The following DNAH17 variants were observed in gnomAD, a reference collection of about 807,000 sequenced individuals.
DNAH17 encodes dynein axonemal heavy chain 17, also known as axonemal beta dynein heavy chain 17.
A neutral mutation model predicts 485.6 loss-of-function variants in DNAH17; 376 were observed. The observed-to-expected ratio is 0.77, with a 90% CI of 0.71 to 0.84. The LOEUF (loss-of-function observed/expected upper bound fraction) is 0.84. Among genes scored for constraint, DNAH17 ranks in the 40% least tolerant of loss-of-function variants. DNAH17 has a pLI of 0.00. For synonymous variants in DNAH17, 3,031 were observed against 2,405.9 expected, an observed-to-expected ratio of 1.26 and a Z score of -7.60; for missense variants, 6,370 against 5,839.3, an observed-to-expected ratio of 1.09 and a Z score of -2.96.
At position 78,458,640 on chromosome 17, in the gene DNAH17, T is replaced by A; in HGVS notation, c.9902A>T (p.Glu3301Val). ...CTTGATTTTCTCAGCTGTTGCTTTT[T>A]CAAACGCTGAGGTTAGGTTGCTCAG... ...ANLSNLTSAF[E>V]KATAEKIKCQ... Residue 3301 changes from glutamate to valine, a missense_variant, in exon 62 of 81, where the codon GAA (glutamate) becomes GTA (valine). By Grantham distance (121) the Glu-to-Val change is moderately radical (BLOSUM62 -2). Transcript: ENST00000389840. 6.2e-7 allele frequency: 1 copy of A among 1,614,064 alleles called. No individual in the cohort carries two copies. The highest frequency in any genetic ancestry group is 8.5e-7 in the Non-Finnish European group (1 of 1,179,892).
At position 78,454,498 on chromosome 17, in the gene DNAH17, G is replaced by T; in HGVS notation, c.10378C>A (p.Leu3460Met). 1 of 1,613,312 alleles carries T rather than the reference G, an allele frequency of 6.2e-7. No individual in the cohort carries two copies. The highest frequency in any genetic ancestry group is 8.5e-7 in the Non-Finnish European group (1 of 1,179,802). ...TTCTGTCCCAGGCGGATGGCTTTCA[G>T]TTCACTCCTGTATTTGTTTTTGATC... ...KWIKNKYRSE[L>M]KAIRLGQKSY... Residue 3460 changes from leucine (L) to methionine (M), a missense_variant, in exon 64 of 81, where the codon CTG becomes ATG. Leu to Met is a conservative substitution (Grantham distance 15). Transcript: ENST00000389840.
intron 30 of DNAH17, among the ~76,000 whole-genome samples, chr17:78,505,992 T>A (rs1224843118): frequency 2.0e-5 from 3 of 151,954 alleles, no homozygotes; most frequent in Non-Finnish European, 4.4e-5. Context: ...ATAAAAAAAA[T>A]TAATAAATAA....
intron 17 of DNAH17, 142 bp from the exon 18 acceptor site, chr17:78,540,022 GGCC>G: frequency 1.3e-6 from 1 of 775,518 alleles, no homozygotes; most frequent in Non-Finnish European, 1.8e-6. Context: ...TGCTGGTGCT[GGCC>G]GCCTTCCTAC....
intron 75 of DNAH17, among the ~76,000 whole-genome samples, chr17:78,432,277 G>A (rs530438320): frequency 6.6e-6 from 1 of 152,270 alleles, no homozygotes; most frequent in South Asian, 2.1e-4. Flanking sequence ...TGGTTTGGCC[G>A]TCTCTCCGTG....
intron 54 of DNAH17, among the ~76,000 whole-genome samples, chr17:78,470,319 C>A (rs1442982320): frequency 6.6e-6 from 1 of 150,520 alleles, no homozygotes; most frequent in East Asian, 2.0e-4. Flanking sequence ...CTGCCCACCT[C>A]GGCCTCCCAA....
chr17:78,504,998 C>CG (rs940596529), intron 31 of DNAH17, among the ~76,000 whole-genome samples: 7 of 143,826 alleles, frequency 4.9e-5, no homozygotes, highest in Admixed American at 7.5e-5. Context: ...CTCTGCCTCC[C>CG]GGGTTCAAGC....
chr17:78,509,512 T>A (rs2090574934), intron 27 of DNAH17, among the ~76,000 whole-genome samples: 1 of 152,202 alleles, frequency 6.6e-6, no homozygotes, highest in African/African-American at 2.4e-5. Flanking sequence ...TTATATCTAA[T>A]AAAGTTTTTT....
intron 75 of DNAH17, among the ~76,000 whole-genome samples, chr17:78,430,994 C>A (rs1201370300): frequency 6.6e-6 from 1 of 152,134 alleles, no homozygotes; most frequent in Non-Finnish European, 1.5e-5. Flanking sequence ...GACCCTCCCA[C>A]TTCAGCCTCC....
At chr17:78,478,752 CCATCACTATCAT>C (rs1309690047) in intron 51 of DNAH17, 2 of 416,570 alleles carry the variant, frequency 4.8e-6, no homozygotes, top group Non-Finnish European at 8.6e-6. Context: ...ACCATCACCA[CCATCACTATCAT>C]CATCACATCA....
intron 11 of DNAH17, among the ~76,000 whole-genome samples, chr17:78,564,162 C>T (rs1449349644): frequency 6.6e-6 from 1 of 152,040 alleles, no homozygotes; most frequent in Non-Finnish European, 1.5e-5. Flanking sequence ...CGAGGGGTCA[C>T]AAAGTTGAAC....
At chr17:78,499,416 T>C (rs2090192721) in intron 36 of DNAH17, 2 of 194,854 alleles carry the variant, frequency 1.0e-5, no homozygotes, top group Non-Finnish European at 1.8e-5. Context: ...AAACCTTGCA[T>C]GTTTTCTCAG....
Position 78,461,606 on chromosome 17 carries a change from T to G in DNAH17, c.9277A>C (p.Lys3093Gln). ...LIQVVGIEAE[K>Q]VSKEKAIADQ... ...GCAATGGCCTTCTCTTTGCTGACCT[T>G]CTCGGCCTCGATGCCGACCACCTGG... Residue 3093 changes from lysine (K) to glutamine (Q), a missense_variant, in exon 58 of 81, where the codon AAG becomes CAG. Transcript: ENST00000389840. 6.2e-7 allele frequency: 1 copy of G among 1,608,160 alleles called. No homozygotes were observed. The highest frequency in any genetic ancestry group is 1.1e-5 in the South Asian group (1 of 89,938).
chr17:78,550,139 G>GAGC (rs1303915427), intron 16 of DNAH17, among the ~76,000 whole-genome samples: 1 of 152,208 alleles, frequency 6.6e-6, no homozygotes, highest in Non-Finnish European at 1.5e-5. Flanking sequence ...GGAGGAGGAG[G>GAGC]AGCGACGTCA....
intron 51 of DNAH17, among the ~76,000 whole-genome samples, chr17:78,476,943 T>C (rs578259881): frequency 6.6e-6 from 1 of 152,168 alleles, no homozygotes; most frequent in Non-Finnish European, 1.5e-5. Flanking sequence ...TCCTGAGAGA[T>C]GTGGAGTTTT....
At chr17:78,478,684 C>T (rs2089209842) in intron 51 of DNAH17, among the ~76,000 whole-genome samples, 1 of 150,078 alleles carries the variant, frequency 6.7e-6, no homozygotes, top group African/African-American at 2.5e-5. Context: ...CCACCATCAT[C>T]ACAATTATTA....
chr17:78,444,591 G>T lies in DNAH17; in HGVS notation c.11528+13C>A, dbSNP rs759482938. ...CCTCGGGGGCGGGGCCCCCGGCGCGGCGGGACACTCACTTGATAGCGTAGG... is the reference window on the plus strand; with the variant it reads ...CCTCGGGGGCGGGGCCCCCGGCGCGTCGGGACACTCACTTGATAGCGTAGG... On this transcript the variant is annotated intron_variant, in intron 71 of 80. Transcript: ENST00000389840. 2 of 1,541,832 alleles carry T rather than the reference G, an allele frequency of 1.3e-6. No homozygotes were observed. The highest frequency in any genetic ancestry group is 1.2e-5 in the South Asian group (1 of 83,478).
At position 78,532,971 on chromosome 17, in the gene DNAH17, A is replaced by G. The variant is rs11652618; in HGVS notation, c.2860-235T>C. ...CCAAACTTAGTGGATAGCACACTAC[A>G]GCCCAGAACTCCTGGGCTCAAGCGA... On this transcript the variant is annotated intron_variant, in intron 19 of 80. Transcript: ENST00000389840. 0.23 allele frequency: 98,450 copies of G among 434,854 alleles called. 13,219 individuals are homozygous for G. Among genetic ancestry groups the G allele is most frequent in the Non-Finnish European group, 0.28 (68,593 of 242,350 alleles). The allele number at this position is 434,854 out of a possible 1,614,324, so 26.9% of individuals were successfully genotyped here.
intron 17 of DNAH17, among the ~76,000 whole-genome samples, chr17:78,541,354 G>T (rs950563892): frequency 1.4e-5 from 2 of 145,804 alleles, no homozygotes; most frequent in African/African-American, 5.1e-5. Flanking sequence ...GTGGACAGAT[G>T]AATGTGGTGG....
At chr17:78,478,249 AC>A (rs1400675571) in intron 51 of DNAH17, among the ~76,000 whole-genome samples, 74 of 110,060 alleles carry the variant, frequency 6.7e-4, no homozygotes, top group East Asian at 1.6e-3. Flanking sequence ...CATCATCACC[AC>A]CATCACCATT....
Sources: gnomAD v4.1 joint callset for allele counts (sites outside exome capture counted in the v4.1 genomes callset) on GRCh38, gnomAD v4.1.1 for gene constraint, MANE v1.5 for transcripts, NCBI Gene and HGNC (gene_info 2026-07-23, HGNC 2026-07-21) for gene names.